CD163: variants seen among roughly 807,000 people sequenced by gnomAD.
CD163 encodes CD163 molecule.
Under a neutral mutation model 129.2 loss-of-function variants are expected in CD163, and 64 were observed. The ratio of observed to expected loss-of-function variants is 0.50; its 90% confidence interval spans 0.41 to 0.61. The LOEUF (loss-of-function observed/expected upper bound fraction) is 0.61. Ranked by LOEUF, CD163 falls within the 20% of genes least tolerant of loss-of-function variation. The pLI is 0.00. For missense variants in CD163, 1,061 were observed against 1,377.9 expected (o/e 0.77, Z 3.64); for synonymous variants, 446 against 478.5 (o/e 0.93, Z 0.89).
At position 7,495,185 on chromosome 12, in the gene CD163, A is replaced by G. The variant is rs1200684127; in HGVS notation, c.1316T>C (p.Leu439Pro). The change falls in exon 6 of 17, where the codon CTA becomes CCA. Residue 439 changes from leucine (L) to proline (P), a missense_variant. By Grantham distance (98) the Leu-to-Pro change is moderately conservative. Transcript: ENST00000432237. ...AGTTTCATTTCCGTTACAGCTACTT[A>G]GAAACAGCCATGTGTTTGTTGCCTG... ...KIQATNTWLF[L>P]SSCNGNETSL... 6.2e-7 allele frequency: 1 copy of G among 1,614,042 alleles called. No individual in the cohort carries two copies. The highest frequency in any genetic ancestry group is 8.5e-7 in the Non-Finnish European group (1 of 1,180,008).
In CD163 at chr12:7,488,217, G is replaced by A. The variant is rs192885053; in HGVS notation, c.1421-130C>T. On this transcript the variant is annotated intron_variant, in intron 6 of 16. Transcript: ENST00000432237. ...GCTCAGTGATTTCCTACACTTGTTT[G>A]TCTTGGCTTTTCTGCCTCGAGTTGG... is the stretch of plus-strand genomic sequence containing the variant. The A allele has an allele frequency of 1.6e-5, 16 of 993,222 alleles. No homozygotes were observed. In the Admixed American group the frequency reaches 1.7e-4, roughly 11 times the overall value. The allele number at this position is 993,222 out of a possible 1,614,324, so 61.5% of individuals were successfully genotyped here. A position where few individuals can be genotyped will look rare whatever the true frequency, so the allele number is the denominator to read the frequency against.
chr12:7,495,982 C>T (rs1024621095), intron 5 of CD163, among the ~76,000 whole-genome samples: 1 of 152,104 alleles, frequency 6.6e-6, no homozygotes, highest in Non-Finnish European at 1.5e-5. Flanking sequence ...TGGGTATATA[C>T]CCAAAGGATT....
Position 7,485,460 on chromosome 12 carries a change from G to C in CD163, c.2459-44C>G, listed in dbSNP as rs1399721995. The C allele has an allele frequency of 6.7e-7, 1 of 1,497,710 alleles. No individual in the cohort carries two copies. The highest frequency in any genetic ancestry group is 1.4e-5 in the African/African-American group (1 of 73,048). 92.8% of individuals were successfully genotyped at this position (1,497,710 alleles called of 1,614,324 possible). On this transcript the variant is annotated intron_variant, in intron 10 of 16. Transcript: ENST00000432237. This position sits in a 1 kb window ranked among gnomAD's most constrained non-coding sequence, Gnocchi z 4.5. ...TTAGTAGTTTTGCATCTTTTCTGAA[G>C]ATTCAGAGACTCCTTCCCTTTACCT...
chr12:7,492,130 C>G (rs371292881), intron 6 of CD163, among the ~76,000 whole-genome samples: 1 of 151,908 alleles, frequency 6.6e-6, no homozygotes, highest in East Asian at 1.9e-4. Flanking sequence ...ATATTACTAA[C>G]AAAACATGTA....
chr12:7,498,497 A>T (rs1450420513), intron 4 of CD163, among the ~76,000 whole-genome samples: 1 of 152,182 alleles, frequency 6.6e-6, no homozygotes, highest in Non-Finnish European at 1.5e-5. Flanking sequence ...TGTGGATTAG[A>T]TGATAACTGG....
intron 3 of CD163, among the ~76,000 whole-genome samples, chr12:7,500,421 C>CAAA (rs71953455): frequency 0.013 from 834 of 63,810 alleles, 11 homozygotes; most frequent in African/African-American, 0.03. Context: ...CAATTCGTCC[C>CAAA]AAAAAAAAAA....
chr12:7,474,234 T>C (rs970474756), intron 16 of CD163, among the ~76,000 whole-genome samples: 1 of 152,170 alleles, frequency 6.6e-6, no homozygotes, highest in East Asian at 1.9e-4. Flanking sequence ...ATGGACCTAA[T>C]AGACATCTAC....
In CD163 at chr12:7,488,104, A is replaced by G. The variant is rs1949281927; in HGVS notation, c.1421-17T>C. ...CCCTGTGGGCTGAAAAATAAATATTATTTCAGTGAGAGGTAATATGATTTC... is the reference window on the plus strand; with the variant it reads ...CCCTGTGGGCTGAAAAATAAATATTGTTTCAGTGAGAGGTAATATGATTTC... On this transcript the variant is annotated splice_polypyrimidine_tract_variant and intron_variant, in intron 6 of 16. Coordinates refer to ENST00000432237, the MANE Select transcript of CD163 (RefSeq NM_203416.4). 1 of 1,575,900 alleles carries G rather than the reference A, an allele frequency of 6.3e-7. No individual in the cohort carries two copies. Among genetic ancestry groups the G allele is most frequent in the African/African-American group, 1.4e-5 (1 of 73,876 alleles).
At chr12:7,482,832 T>C in intron 13 of CD163, 70 bp from the exon 14 acceptor site, 1 of 1,595,810 alleles carries the variant, frequency 6.3e-7, no homozygotes, top group Non-Finnish European at 8.6e-7. Flanking sequence ...TAGTTACTGA[T>C]TCTCTCTTAG....
At position 7,487,477 on chromosome 12, in the gene CD163, C is replaced by G; in HGVS notation, c.1932G>C (p.Gln644His). 6.2e-7 allele frequency: 1 copy of G among 1,614,156 alleles called. No homozygotes were observed. Among genetic ancestry groups the G allele is most frequent in the South Asian group, 1.1e-5 (1 of 91,074 alleles). Residue 644 changes from glutamine to histidine, a missense_variant, in exon 8 of 17, where the codon CAG becomes CAC. By Grantham distance (24) the Gln-to-His change is conservative. Coordinates refer to ENST00000432237, the MANE Select transcript of CD163 (RefSeq NM_203416.4). This position sits in a 1 kb window ranked among gnomAD's most constrained non-coding sequence, Gnocchi z 5.1. ...TGCAGTGAAACATATGCCTCCAGAT[C>G]TGACCATTTCCTTTTCCAAAACGTG... ...GGARFGKGNG[Q>H]IWRHMFHCTG...
In CD163 at chr12:7,499,087, T is replaced by C; in HGVS notation, c.559A>G (p.Asn187Asp). ...ACAGATGCATGATCTATGTTGAAGT[T>C]ATCATCACACACTGTTCCCCACCGT... ...QGRWGTVCDD[N>D]FNIDHASVIC... is the part of the protein sequence containing the mutation. The change falls in exon 4 of 17, where the codon AAC (asparagine) becomes GAC (aspartate). Residue 187 changes from asparagine to aspartate, a missense_variant. Transcript: ENST00000432237. 3 of 1,614,160 alleles carry C rather than the reference T, an allele frequency of 1.9e-6. No individual in the cohort carries two copies. The highest frequency in any genetic ancestry group is 2.5e-6 in the Non-Finnish European group (3 of 1,180,000).
Position 7,483,533 on chromosome 12 carries a change from T to TGGACCACAGCCAAGTTGTTGAC in CD163, c.2900_2921dup (p.Ala975SerfsTer28). The stretch of plus-strand genomic sequence containing the variant: ...CTGCTTCTTTGAATGCTTTCAAAGC[T>TGGACCACAGCCAAGTTGTTGAC]GGACCACAGCCAAGTTGTTGACACA... On this transcript the variant is annotated frameshift_variant, in exon 12 of 17. Transcript: ENST00000432237. LOFTEE classifies it high-confidence loss of function. The TGGACCACAGCCAAGTTGTTGAC allele has an allele frequency of 1.2e-6, 2 of 1,614,068 alleles. No individual in the cohort carries two copies. The highest frequency in any genetic ancestry group is 1.7e-6 in the Non-Finnish European group (2 of 1,179,994).
intron 5 of CD163, among the ~76,000 whole-genome samples, chr12:7,495,927 A>G (rs1488242026): frequency 6.6e-6 from 1 of 152,172 alleles, no homozygotes. Context: ...TGATTCCTCA[A>G]GGATCTAGAA....
intron 12 of CD163, 62 bp from the exon 13 acceptor site, chr12:7,483,066 G>A (rs1177637010): frequency 1.3e-6 from 2 of 1,533,394 alleles, no homozygotes; most frequent in African/African-American, 2.7e-5. Flanking sequence ...CAAGCCTTCT[G>A]ATTTCCTTGT....
chr12:7,500,908 T>C (rs745463175), intron 3 of CD163, among the ~76,000 whole-genome samples: 5 of 152,220 alleles, frequency 3.3e-5, no homozygotes, highest in South Asian at 4.2e-4. Flanking sequence ...TTGGCTAAGA[T>C]CATGTATAAA....
At chr12:7,484,641 A>G (rs1469057869) in intron 11 of CD163, among the ~76,000 whole-genome samples, 2 of 132,600 alleles carry the variant, frequency 1.5e-5, no homozygotes, top group African/African-American at 7.4e-5. Context: ...CTCTGTCTCA[A>G]AAAAAAAAAA....
intron 3 of CD163, among the ~76,000 whole-genome samples, chr12:7,500,788 G>A (rs960787185): frequency 7.9e-5 from 12 of 152,060 alleles, no homozygotes; most frequent in African/African-American, 2.9e-4. Context: ...ACAAGTCACT[G>A]GGAAAGAACA....
chr12:7,484,639 CAA>C lies in CD163; in HGVS notation c.2779+455_2779+456del, dbSNP rs10690784. ...GGGGAACAAGAGCAAAACTCTGTCT[CAA>C]AAAAAAAAAAAAAAAAAACCTGTAG... is the stretch of plus-strand genomic sequence containing the variant. On this transcript the variant is annotated intron_variant, in intron 11 of 16. Transcript: ENST00000432237. Among the ~76,000 whole-genome samples, 914 of 100,474 alleles carry C rather than the reference CAA, an allele frequency of 9.1e-3. 5 individuals are homozygous for C. The highest frequency in any genetic ancestry group is 0.035 in the African/African-American group (845 of 24,492). 65.9% of individuals were successfully genotyped at this position (100,474 alleles called of 152,430 possible).
intron 6 of CD163, among the ~76,000 whole-genome samples, chr12:7,494,269 A>G (rs1306176912): frequency 6.6e-6 from 1 of 152,240 alleles, no homozygotes; most frequent in African/African-American, 2.4e-5. Flanking sequence ...TTAAAAAGTA[A>G]TATAGAAATT....
Sources: gnomAD v4.1 joint callset for allele counts (sites outside exome capture counted in the v4.1 genomes callset) on GRCh38, gnomAD v4.1.1 for gene constraint, Gnocchi (gnomAD v3.1) non-coding constraint, MANE v1.5 for transcripts, NCBI Gene and HGNC (gene_info 2026-07-23, HGNC 2026-07-21) for gene names.